PLCB4: variants seen among roughly 807,000 people sequenced by gnomAD.
The protein encoded by PLCB4 is 1-phosphatidylinositol 4,5-bisphosphate phosphodiesterase beta-4.
PLCB4 carries 77 observed loss-of-function variants against 178.8 expected under a neutral mutation model. That is an observed-to-expected ratio of 0.43 (90% CI 0.36 to 0.52). The LOEUF (loss-of-function observed/expected upper bound fraction) is 0.52, where lower values mean the gene tolerates loss of function less well. Among genes scored for constraint, PLCB4 ranks in the 20% least tolerant of loss-of-function variants. The pLI is 0.00. For missense variants in PLCB4, 1,024 were observed against 1,453.4 expected (o/e 0.70, Z 4.80); for synonymous variants, 496 against 490.8 (o/e 1.01, Z -0.14).
chr20:9,472,454 T>C (rs2044256236), intron 36 of PLCB4, among the ~76,000 whole-genome samples: 1 of 152,146 alleles, frequency 6.6e-6, no homozygotes, highest in Admixed American at 6.6e-5. Flanking sequence ...AAATTCACAA[T>C]AGTGGTAACC....
At chr20:9,436,673 A>T (rs1272937469) in intron 29 of PLCB4, among the ~76,000 whole-genome samples, 1 of 151,964 alleles carries the variant, frequency 6.6e-6, no homozygotes, top group Non-Finnish European at 1.5e-5. Context: ...TTTATTATTG[A>T]TTTTTCACTG....
intron 19 of PLCB4, among the ~76,000 whole-genome samples, chr20:9,398,636 C>T (rs2038789684): frequency 6.6e-6 from 1 of 151,960 alleles, no homozygotes; most frequent in Non-Finnish European, 1.5e-5. Flanking sequence ...AACAGTGGAC[C>T]AGGCAGCTTA....
intron 3 of PLCB4, among the ~76,000 whole-genome samples, chr20:9,227,221 T>C (rs544289999): frequency 9.0e-4 from 137 of 152,138 alleles, no homozygotes; most frequent in African/African-American, 3.2e-3. Context: ...TTTTCAGATA[T>C]ATGACTTGAA....
chr20:9,123,499 C>T (rs1340146010), intron 2 of PLCB4, among the ~76,000 whole-genome samples: 3 of 151,266 alleles, frequency 2.0e-5, no homozygotes, highest in Non-Finnish European at 4.4e-5. Context: ...TGAAGAGTGC[C>T]CCTTAAAGTT....
rs747932255 is a variant in PLCB4, at chr20:9,264,020, A to G, written c.-15-43780A>G. ...AGTTTTTTAACGTCTTTAAAAAGGC[A>G]TCTTTTCATAAAGCTTAAGCTCTTT... On this transcript the variant is annotated intron_variant, in intron 3 of 39. Coordinates refer to ENST00000378473, the MANE Select transcript of PLCB4 (RefSeq NM_001377142.1). Among the ~76,000 whole-genome samples, 13 of 152,280 alleles carry G rather than the reference A, an allele frequency of 8.5e-5. 1 individual carries two copies. Among genetic ancestry groups the G allele is most frequent in the South Asian group, 6.2e-4 (3 of 4,820 alleles).
chr20:9,244,149 G>A (rs1434478801), intron 3 of PLCB4, among the ~76,000 whole-genome samples: 5 of 152,156 alleles, frequency 3.3e-5, no homozygotes, highest in East Asian at 1.9e-4. Context: ...TTCTGTGGTC[G>A]TATTGCTGCA....
chr20:9,327,669 G>C (rs963896978), intron 4 of PLCB4, among the ~76,000 whole-genome samples: 10 of 151,204 alleles, frequency 6.6e-5, no homozygotes, highest in Admixed American at 6.6e-4. Flanking sequence ...CCAGCTACTC[G>C]GGAGGCTGAG....
chr20:9,354,414 C>A (rs1349633148), intron 7 of PLCB4, among the ~76,000 whole-genome samples: 1 of 152,206 alleles, frequency 6.6e-6, no homozygotes, highest in East Asian at 1.9e-4. Flanking sequence ...TTTTCTCTCT[C>A]ATTAGCACCA....
Position 9,124,557 on chromosome 20 carries a change from G to C in PLCB4, c.-79+28215G>C, listed in dbSNP as rs182012356. Among the ~76,000 whole-genome samples, 20 of 152,182 alleles carry C rather than the reference G, an allele frequency of 1.3e-4. 1 individual carries two copies. In the East Asian group the frequency reaches 3.7e-3, roughly 28 times the overall value. Reference sequence around the variant, plus strand: ...TATCACAGTGAGATTGGTGAATAAAGGCAAATAAAGAAAATACCTCTTTTA... The same window carrying C: ...TATCACAGTGAGATTGGTGAATAAACGCAAATAAAGAAAATACCTCTTTTA... On this transcript the variant is annotated intron_variant, in intron 2 of 39. Coordinates refer to ENST00000378473, the MANE Select transcript of PLCB4 (RefSeq NM_001377142.1).
At chr20:9,452,512 T>C (rs1365486247) in intron 32 of PLCB4, among the ~76,000 whole-genome samples, 5 of 152,152 alleles carry the variant, frequency 3.3e-5, no homozygotes, top group Non-Finnish European at 7.4e-5. Context: ...AAATTTCTGA[T>C]TGTACTGATT....
Position 9,380,370 on chromosome 20 carries a change from A to G in PLCB4, c.853+208A>G, listed in dbSNP as rs190857758. On this transcript the variant is annotated intron_variant, in intron 13 of 39. Transcript: ENST00000378473. ...CTGACTGAAGTATACTGTTACATTT[A>G]TTGTATTATTAAATACATTATAGTG... is the stretch of plus-strand genomic sequence containing the variant. Among the ~76,000 whole-genome samples the G allele has an allele frequency of 3.5e-3, 530 of 152,256 alleles. 2 individuals carry two copies. Among genetic ancestry groups the G allele is most frequent in the African/African-American group, 0.012 (500 of 41,552 alleles).
At chr20:9,127,399 A>G (rs1339954145) in intron 2 of PLCB4, among the ~76,000 whole-genome samples, 1 of 152,140 alleles carries the variant, frequency 6.6e-6, no homozygotes, top group Non-Finnish European at 1.5e-5. Context: ...TCTTATTTTT[A>G]TTTTTATGTA....
intron 1 of PLCB4, among the ~76,000 whole-genome samples, chr20:9,078,592 C>G (rs2089993514): frequency 1.3e-5 from 2 of 150,840 alleles, no homozygotes; most frequent in African/African-American, 4.9e-5. Flanking sequence ...GAACTCCTGA[C>G]CTCAAATGAT....
rs142139168 is a variant in PLCB4, at chr20:9,376,365, G to A, written c.744+3261G>A. Among the ~76,000 whole-genome samples the A allele has an allele frequency of 5.9e-3, 896 of 152,276 alleles. 6 individuals carry two copies. The highest frequency in any genetic ancestry group is 9.7e-3 in the Non-Finnish European group (660 of 68,012). On this transcript the variant is annotated intron_variant, in intron 12 of 39. Coordinates refer to ENST00000378473, the MANE Select transcript of PLCB4 (RefSeq NM_001377142.1). Reference sequence around the variant, plus strand: ...ACTGGATTCCTCCTTGGAATGTTTAGTGTGAGTGGGAAGAATATGAGAGCG... The same window carrying A: ...ACTGGATTCCTCCTTGGAATGTTTAATGTGAGTGGGAAGAATATGAGAGCG...
At chr20:9,152,060 G>C (rs568925159) in intron 2 of PLCB4, among the ~76,000 whole-genome samples, 33 of 152,002 alleles carry the variant, frequency 2.2e-4, no homozygotes, top group Non-Finnish European at 2.4e-4. Context: ...GATAATATAC[G>C]GTATCTGGTG....
At chr20:9,435,498 T>C in intron 28 of PLCB4, 62 bp from the exon 29 acceptor site, 3 of 970,358 alleles carry the variant, frequency 3.1e-6, no homozygotes, top group Non-Finnish European at 5.0e-6. Flanking sequence ...TAAGCAGAGT[T>C]TTAATGAATA....
chr20:9,111,916 T>C (rs1370562235), intron 2 of PLCB4, among the ~76,000 whole-genome samples: 1 of 152,206 alleles, frequency 6.6e-6, no homozygotes, highest in East Asian at 1.9e-4. Context: ...GAAGTATGTA[T>C]TTAATGTGTC....
chr20:9,366,102 G>A (rs2035755757), intron 9 of PLCB4, among the ~76,000 whole-genome samples: 1 of 152,036 alleles, frequency 6.6e-6, no homozygotes, highest in African/African-American at 2.4e-5. Context: ...GAATAAAAAG[G>A]CTTGAGGCAG....
At position 9,338,037 on chromosome 20, in the gene PLCB4, C is replaced by T. The variant is rs950870437; in HGVS notation, c.195C>T (p.Ile65=). 3 of 1,611,794 alleles carry T rather than the reference C, an allele frequency of 1.9e-6. No homozygotes were observed. In the African/African-American group the frequency reaches 4.0e-5, roughly 22 times the overall value. The change falls in exon 6 of 40, where the codon ATC becomes ATT. Residue 65 remains isoleucine, a synonymous_variant. Coordinates refer to ENST00000378473, the MANE Select transcript of PLCB4 (RefSeq NM_001377142.1). ...GACAGGTGCTAGAATGCTCCCTCAT[C>T]AACAGTATTCGGTCGGGAGCCATAC... The part of the protein sequence containing the change: ...KEGQVLECSL[I]NSIRSGAIPK...
Sources: allele counts gnomAD v4.1 joint callset (sites outside exome capture counted in the v4.1 genomes callset), GRCh38; gene constraint gnomAD v4.1.1; transcripts MANE v1.5; gene names NCBI Gene and HGNC (gene_info 2026-07-23, HGNC 2026-07-21).